The following DUX4 variants were observed in gnomAD, a reference collection of about 807,000 sequenced individuals.
DUX4 encodes the protein double homeobox 4.
downstream of DUX4, among the ~76,000 whole-genome samples, chr4:190,179,360 G>GGGATAT (rs1742488821): frequency 6.6e-6 from 1 of 151,852 alleles, no homozygotes; most frequent in African/African-American, 2.4e-5. Flanking sequence ...GATCAGTGCA[G>GGGATAT]AGATACATCG....
chr4:190,181,243 C>CAATGCCACAAGTAGGTAGAGCCTAG (rs1742556543), intron 1 of DUX4, among the ~76,000 whole-genome samples: 1 of 16,052 alleles, frequency 6.2e-5, no homozygotes, highest in African/African-American at 2.2e-4. Context: ...AAATCCAAGA[C>CAATGCCACAAGTAGGTAGAGCCTAG]AAGAGTCTGT....
chr4:190,177,552 G>GAA (rs1742374817), downstream of DUX4, among the ~76,000 whole-genome samples: 146 of 98,586 alleles, frequency 1.5e-3, no homozygotes, highest in East Asian at 9.2e-3. Flanking sequence ...GCACAGCTTA[G>GAA]ACAAGCGTTA....
chr4:190,176,530 G>A (rs1386591969), downstream of DUX4, among the ~76,000 whole-genome samples: 3 of 102,606 alleles, frequency 2.9e-5, no homozygotes, highest in African/African-American at 8.3e-5. Context: ...GCCTAGACAA[G>A]TGTTACATCA....
At chr4:190,183,829 A>C (rs1205493250) in intron 1 of DUX4, among the ~76,000 whole-genome samples, 3 of 118,164 alleles carry the variant, frequency 2.5e-5, no homozygotes, top group African/African-American at 7.7e-5. Context: ...ACCACCCCAC[A>C]ACCCGCAGCA....
intron 1 of DUX4, chr4:190,182,088 G>T (rs1472879060): frequency 8.4e-6 from 1 of 119,480 alleles, no homozygotes; most frequent in Non-Finnish European, 2.0e-5. Context: ...TGTGATCAGT[G>T]TAGAGATATG....
chr4:190,176,046 T>C (rs1742289280), downstream of DUX4, among the ~76,000 whole-genome samples: 3 of 111,484 alleles, frequency 2.7e-5, 1 homozygote, highest in Non-Finnish European at 4.2e-5. Flanking sequence ...AGACAGAGCC[T>C]AGACAATTGT....
At chr4:190,180,005 T>TTGAGCAGGTTTGG (rs1742523948), downstream of DUX4, among the ~76,000 whole-genome samples, 1 of 128,762 alleles carries the variant, frequency 7.8e-6, no homozygotes, top group Admixed American at 7.4e-5. Flanking sequence ...AGGCAGAGCT[T>TTGAGCAGGTTTGG]AAACTAGAGT....
chr4:190,178,659 ATCACC>A (rs1742440077), downstream of DUX4, among the ~76,000 whole-genome samples: 1 of 133,834 alleles, frequency 7.5e-6, no homozygotes, highest in Non-Finnish European at 1.6e-5. Flanking sequence ...AAAGTGTTAC[ATCACC>A]TAAGTGATCA....
downstream of DUX4, among the ~76,000 whole-genome samples, chr4:190,176,508 C>T (rs1462190220): frequency 9.6e-6 from 1 of 104,408 alleles, no homozygotes; most frequent in African/African-American, 2.8e-5. Context: ...TGAGAATTCC[C>T]GTGTAGGCAG....
At chr4:190,178,916 C>CGA (rs1742463108), downstream of DUX4, among the ~76,000 whole-genome samples, 2 of 103,408 alleles carry the variant, frequency 1.9e-5, no homozygotes, top group Admixed American at 1.1e-4. Context: ...TAGGCAGATC[C>CGA]AAGACAAGAG....
At chr4:190,178,885 A>AAATT (rs1415331305), downstream of DUX4, among the ~76,000 whole-genome samples, 2 of 99,544 alleles carry the variant, frequency 2.0e-5, no homozygotes, top group African/African-American at 7.7e-5. Context: ...ATCAGTGCAG[A>AAATT]TCTATGTCAC....
downstream of DUX4, among the ~76,000 whole-genome samples, chr4:190,179,637 A>T (rs1579835811): frequency 6.6e-5 from 10 of 150,816 alleles, no homozygotes; most frequent in African/African-American, 1.7e-4. Context: ...GTGCAGAGAT[A>T]TGTCACAATG....
chr4:190,181,212 T>C (rs1742552323), intron 1 of DUX4, among the ~76,000 whole-genome samples: 2,721 of 112,024 alleles, frequency 0.024, no homozygotes, highest in Admixed American at 0.03. Flanking sequence ...TGCAGAGATA[T>C]GTCACATTGC....
downstream of DUX4, among the ~76,000 whole-genome samples, chr4:190,177,186 A>AAACGCCCCTGTAGGGAGAGCCTAG (rs1742348733): frequency 2.7e-5 from 4 of 150,360 alleles, no homozygotes; most frequent in South Asian, 2.2e-4. Flanking sequence ...AGCTATGTCA[A>AAACGCCCCTGTAGGGAGAGCCTAG]AACGCCCCTG....
chr4:190,176,985 C>T (rs1178241640), downstream of DUX4, among the ~76,000 whole-genome samples: 126 of 85,224 alleles, frequency 1.5e-3, no homozygotes, highest in Middle Eastern at 5.3e-3. Context: ...TGACACAATG[C>T]CCCCATAGAC....
chr4:190,182,117 G>T (rs1380043159), intron 1 of DUX4: 1 of 109,798 alleles, frequency 9.1e-6, no homozygotes, highest in African/African-American at 2.7e-5. Context: ...CCTCCTGTAG[G>T]CAGAGGCTAA....
At chr4:190,181,408 AAGAG>A (rs1579837350) in intron 1 of DUX4, among the ~76,000 whole-genome samples, 55 of 750 alleles carry the variant, frequency 0.073, no homozygotes, top group East Asian at 0.083. Flanking sequence ...GTTGATCAGT[AAGAG>A]ATATTTCACA....
chr4:190,176,897 G>A (rs1579832160), downstream of DUX4, among the ~76,000 whole-genome samples: 4 of 127,712 alleles, frequency 3.1e-5, 1 homozygote, highest in South Asian at 1.1e-3. Context: ...GGTGATCAGT[G>A]CAGTGATATG....
downstream of DUX4, among the ~76,000 whole-genome samples, chr4:190,176,126 C>G (rs1246859627): frequency 9.2e-6 from 1 of 108,200 alleles, no homozygotes; most frequent in African/African-American, 2.7e-5. Flanking sequence ...GGCAAGTGTT[C>G]CCTCCCTGGG....
Sources: gnomAD v4.1 joint callset for allele counts (sites outside exome capture counted in the v4.1 genomes callset) on GRCh38, gnomAD v4.1.1 for gene constraint, MANE v1.5 for transcripts, NCBI Gene and HGNC (gene_info 2026-07-23, HGNC 2026-07-21) for gene names.